Variants in MARCHF5 observed in about 807,000 individuals in gnomAD.
The protein encoded by MARCHF5 is membrane associated ring-CH-type finger 5, also known as E3 ubiquitin-protein ligase MARCHF5.
A neutral mutation model predicts 36.5 loss-of-function variants in MARCHF5; 5 were observed. The observed-to-expected ratio is 0.14, with a 90% CI of 0.07 to 0.29. MARCHF5 has a LOEUF of 0.29. Ranked by LOEUF, MARCHF5 falls within the 10% of genes least tolerant of loss-of-function variation. The pLI, the probability that MARCHF5 is intolerant of heterozygous loss-of-function variation, is 1.00. For missense variants in MARCHF5, 179 were observed against 336.3 expected (o/e 0.53, Z 3.66); for synonymous variants, 103 against 109.9 (o/e 0.94, Z 0.39).
At chr10:92,312,624 G>A (rs1242175867) in intron 2 of MARCHF5, among the ~76,000 whole-genome samples, 1 of 152,206 alleles carries the variant, frequency 6.6e-6, no homozygotes, top group African/African-American at 2.4e-5. Context: ...ATATTTAACT[G>A]ATTTCTTTTC....
intron 1 of MARCHF5, among the ~76,000 whole-genome samples, chr10:92,305,090 T>G (rs1843057311): frequency 6.6e-6 from 1 of 152,156 alleles, no homozygotes; most frequent in Admixed American, 6.5e-5. Context: ...TAAAACAATT[T>G]GATTTCTATG....
intron 2 of MARCHF5, among the ~76,000 whole-genome samples, chr10:92,325,386 C>T (rs1186226779): frequency 6.6e-6 from 1 of 152,144 alleles, no homozygotes; most frequent in Non-Finnish European, 1.5e-5. Context: ...TCTCCAATTA[C>T]TGTTAAATTG....
chr10:92,333,298 G>GCCAA (rs1843462866), intron 2 of MARCHF5, among the ~76,000 whole-genome samples: 1 of 151,554 alleles, frequency 6.6e-6, no homozygotes, highest in Non-Finnish European at 1.5e-5. Context: ...AGAGTACTGT[G>GCCAA]GCTAGGTCCT....
At chr10:92,327,706 C>T (rs906222959) in intron 2 of MARCHF5, among the ~76,000 whole-genome samples, 2 of 152,142 alleles carry the variant, frequency 1.3e-5, no homozygotes, top group Non-Finnish European at 2.9e-5. Flanking sequence ...ATATCTGCTG[C>T]CTTAGCATTG....
intron 2 of MARCHF5, 93 bp from the exon 3 acceptor site, chr10:92,340,580 G>A: frequency 8.4e-7 from 1 of 1,194,090 alleles, no homozygotes; most frequent in Non-Finnish European, 1.2e-6. Context: ...TCTTGTTGGG[G>A]GGAAGGTATT....
intron 1 of MARCHF5, among the ~76,000 whole-genome samples, chr10:92,306,523 T>C (rs1339366759): frequency 6.6e-6 from 1 of 152,206 alleles, no homozygotes; most frequent in Non-Finnish European, 1.5e-5. Flanking sequence ...AAATTTCTAC[T>C]GTCCCCTCCA....
chr10:92,340,837 G>T, intron 3 of MARCHF5, 34 bp downstream of exon 3: 2 of 1,516,842 alleles, frequency 1.3e-6, no homozygotes, highest in Non-Finnish European at 1.8e-6. Context: ...GATATTACTT[G>T]GTGTGAAGAT....
chr10:92,334,452 TTA>T (rs1491514215), intron 2 of MARCHF5: 1 of 152,452 alleles, frequency 6.6e-6, no homozygotes, highest in African/African-American at 2.4e-5. Context: ...AAGTATAGAA[TTA>T]TGTTTCTCTG....
chr10:92,319,705 A>T (rs1257562675), intron 2 of MARCHF5, among the ~76,000 whole-genome samples: 1 of 149,880 alleles, frequency 6.7e-6, no homozygotes, highest in East Asian at 2.0e-4. Flanking sequence ...CCCAGGTTGG[A>T]GTGCAGTGGC....
In MARCHF5 at chr10:92,313,254, A is replaced by G. The variant is rs181397002; in HGVS notation, c.238+1917A>G. 2.0e-5 allele frequency among the ~76,000 whole-genome samples: 3 copies of G among 151,968 alleles called. No homozygotes were observed. In the East Asian group the frequency reaches 5.8e-4, roughly 30 times the overall value. ...CATCTCAAAGAAAAAAGAAAAGAGT[A>G]AAACTCTTTGGTTAAGCCATTTGTA... On this transcript the variant is annotated intron_variant, in intron 2 of 5. Transcript: ENST00000358935.
intron 2 of MARCHF5, among the ~76,000 whole-genome samples, chr10:92,314,886 C>T (rs945702043): frequency 4.6e-5 from 7 of 152,000 alleles, no homozygotes; most frequent in Non-Finnish European, 7.4e-5. Context: ...CCCAGCCTGC[C>T]GCTGCATTCT....
Position 92,351,347 on chromosome 10 carries a change from G to A in MARCHF5, c.*140G>A. ...TTTAAGAAATATAATAAAGCACTTA[G>A]GGCAGGGGAAATCATCTCGGTAATC... On this transcript the variant is annotated 3_prime_UTR_variant, in exon 6 of 6. Transcript: ENST00000358935. 1.9e-6 allele frequency: 1 copy of A among 533,910 alleles called. No homozygotes were observed. The highest frequency in any genetic ancestry group is 3.2e-5 in the East Asian group (1 of 31,390). The allele number at this position is 533,910 out of a possible 1,614,324, so 33.1% of individuals were successfully genotyped here. A position where few individuals can be genotyped will look rare whatever the true frequency, so the allele number is the denominator to read the frequency against.
At chr10:92,350,802 G>T (rs1467615322) in intron 5 of MARCHF5, among the ~76,000 whole-genome samples, 1 of 152,188 alleles carries the variant, frequency 6.6e-6, no homozygotes, top group Non-Finnish European at 1.5e-5. Flanking sequence ...TAGTGCCCTA[G>T]CATTCTTCTT....
intron 1 of MARCHF5, among the ~76,000 whole-genome samples, chr10:92,292,684 T>C (rs1842897176): frequency 6.6e-6 from 1 of 152,234 alleles, no homozygotes; most frequent in Non-Finnish European, 1.5e-5. Flanking sequence ...TGGTGATTCA[T>C]CCAGCCCTTG....
intron 1 of MARCHF5, among the ~76,000 whole-genome samples, chr10:92,300,915 A>G (rs1380308736): frequency 4.7e-4 from 60 of 126,784 alleles, no homozygotes; most frequent in East Asian, 9.2e-4. Flanking sequence ...TTTTTGAGGC[A>G]GAGCCTTCAC....
At chr10:92,324,926 A>G (rs996868253) in intron 2 of MARCHF5, among the ~76,000 whole-genome samples, 3 of 152,110 alleles carry the variant, frequency 2.0e-5, no homozygotes, top group Non-Finnish European at 4.4e-5. Context: ...AGAATGTTCC[A>G]TGTGCACTTG....
intron 2 of MARCHF5, among the ~76,000 whole-genome samples, chr10:92,319,646 G>A (rs1203716283): frequency 2.0e-5 from 2 of 99,948 alleles, no homozygotes; most frequent in East Asian, 5.1e-4. Flanking sequence ...TTTGTTTTTT[G>A]TTTTTTTGTT....
In MARCHF5 at chr10:92,314,751, CCCCCCCG is replaced by C. The variant is rs1283423836; in HGVS notation, c.238+3417_238+3423del. ...TTTGCTGCTGCTGCTTCCCCCCGCCCCCCCCCGCCAATAGAGGTTGGGTCTTGCTATG... is the reference window on the plus strand; with the variant it reads ...TTTGCTGCTGCTGCTTCCCCCCGCCCCCAATAGAGGTTGGGTCTTGCTATG... On this transcript the variant is annotated intron_variant, in intron 2 of 5. Transcript: ENST00000358935. 2.3e-4 allele frequency among the ~76,000 whole-genome samples: 31 copies of C among 136,758 alleles called. 1 individual carries two copies. The highest frequency in any genetic ancestry group is 7.0e-4 in the South Asian group (3 of 4,284). 89.7% of individuals were successfully genotyped at this position (136,758 alleles called of 152,430 possible). A position where few individuals can be genotyped will look rare whatever the true frequency, so the allele number is the denominator to read the frequency against.
Position 92,328,801 on chromosome 10 carries a change from TTATA to T in MARCHF5, c.239-11854_239-11851del, listed in dbSNP as rs748902839. The stretch of plus-strand genomic sequence containing the variant: ...TGTTTAGATCTTGTCAGTGAGGTTA[TTATA>T]TATATATATATATATATTTTTTTTT... On this transcript the variant is annotated intron_variant, in intron 2 of 5. Transcript: ENST00000358935. 1.4e-4 allele frequency among the ~76,000 whole-genome samples: 19 copies of T among 137,262 alleles called. 2 individuals carry two copies. The highest frequency in any genetic ancestry group is 6.7e-4 in the South Asian group (3 of 4,462). The allele number at this position is 137,262 out of a possible 152,430, so 90.0% of individuals were successfully genotyped here.
Sources: allele counts gnomAD v4.1 joint callset (sites outside exome capture counted in the v4.1 genomes callset), GRCh38; gene constraint gnomAD v4.1.1; transcripts MANE v1.5; gene names NCBI Gene and HGNC (gene_info 2026-07-23, HGNC 2026-07-21).